The following DMD variants were observed in gnomAD, a reference collection of about 807,000 sequenced individuals.
DMD encodes dystrophin.
DMD carries 63 observed loss-of-function variants against 330.1 expected under a neutral mutation model. The observed-to-expected ratio is 0.19, with a 90% CI of 0.16 to 0.24. The LOEUF is 0.24. Ranked by LOEUF, DMD falls within the 10% of genes least tolerant of loss-of-function variation. The pLI, the probability that DMD is intolerant of heterozygous loss-of-function variation, is 1.00. For synonymous variants in DMD, 1,223 were observed against 959.8 expected (o/e 1.27, Z -5.07); for missense variants, 3,344 against 2,684.1 (o/e 1.25, Z -5.43).
intron 44 of DMD, among the ~76,000 whole-genome samples, chrX:32,079,530 G>A (rs895216767): frequency 7.2e-5 from 8 of 110,928 alleles, no homozygotes; most frequent in Non-Finnish European, 1.3e-4. Flanking sequence ...GGGAGGCAGA[G>A]GTTGCAGTGA....
chrX:32,503,182 G>T (rs1266723754), intron 18 of DMD, among the ~76,000 whole-genome samples: 2 of 111,181 alleles, frequency 1.8e-5, no homozygotes, highest in Non-Finnish European at 3.8e-5. Context: ...AGGGATTTGA[G>T]ATCAGCCTAG....
At chrX:32,160,745 T>C (rs2096846659) in intron 44 of DMD, among the ~76,000 whole-genome samples, 1 of 111,538 alleles carries the variant, frequency 9.0e-6, no homozygotes, top group African/African-American at 3.3e-5. Flanking sequence ...AGAATTGTTA[T>C]TGCAATGGTA....
chrX:31,458,309 A>C (rs1245092454), intron 59 of DMD, among the ~76,000 whole-genome samples: 1 of 110,761 alleles, frequency 9.0e-6, no homozygotes, highest in African/African-American at 3.3e-5. Context: ...TTCTCACCAT[A>C]AAATTGATAT....
intron 54 of DMD, among the ~76,000 whole-genome samples, chrX:31,648,823 C>T (rs2080269122): frequency 2.8e-5 from 3 of 108,104 alleles, no homozygotes; most frequent in African/African-American, 1.0e-4. Flanking sequence ...GGAAACAGAT[C>T]CCTGTTACAT....
At chrX:32,509,578 T>TCAAAACTGCTCTTATCAGTCTCAC (rs2045059616) in intron 18 of DMD, among the ~76,000 whole-genome samples, 1 of 111,923 alleles carries the variant, frequency 8.9e-6, no homozygotes, top group Non-Finnish European at 1.9e-5. Flanking sequence ...CTCAGTCCCA[T>TCAAAACTGCTCTTATCAGTCTCAC]CAAAACTGCT....
rs781172351 is a variant in DMD, at chrX:32,865,757, A to C, written c.94-15937T>G. ...TTTAACATAGTATTGTTTAGGAAAA[A>C]CCAATATTGGCACTGTTTACCAATT... On this transcript the variant is annotated intron_variant, in intron 2 of 78. Coordinates refer to ENST00000357033, the MANE Select transcript of DMD (RefSeq NM_004006.3). Among the ~76,000 whole-genome samples, 39 of 112,448 alleles carry C rather than the reference A, an allele frequency of 3.5e-4. No homozygotes were observed. The South Asian group carries it at 0.013, about 39-fold the overall frequency.
intron 16 of DMD, among the ~76,000 whole-genome samples, chrX:32,558,933 A>ATTTTTT (rs1569199318): frequency 3.1e-5 from 2 of 64,323 alleles, no homozygotes; most frequent in Admixed American, 1.9e-4. Flanking sequence ...GTAACTTCAA[A>ATTTTTT]TTTTCTTTTT....
chrX:32,532,504 T>C (rs1008586309), intron 17 of DMD, among the ~76,000 whole-genome samples: 3 of 112,791 alleles, frequency 2.7e-5, no homozygotes, highest in Middle Eastern at 4.6e-3. Context: ...CTGTAAACTA[T>C]GTGACCATGA....
intron 2 of DMD, among the ~76,000 whole-genome samples, chrX:32,925,035 C>G (rs959883071): frequency 1.8e-5 from 2 of 109,130 alleles, no homozygotes; most frequent in African/African-American, 6.7e-5. Context: ...AAGTAGAAGA[C>G]AGCTCTGTGG....
intron 13 of DMD, chrX:32,583,552 C>A (rs1234499837): frequency 1.8e-5 from 2 of 111,757 alleles, no homozygotes; most frequent in African/African-American, 6.5e-5. Flanking sequence ...GTAATTAAAA[C>A]AATGTGGAAT....
chrX:31,518,218 G>A (rs2072430490), intron 55 of DMD, among the ~76,000 whole-genome samples: 1 of 111,886 alleles, frequency 8.9e-6, no homozygotes, highest in South Asian at 3.7e-4. Context: ...ATTTGGCTCT[G>A]CACATAAACT....
intron 63 of DMD, among the ~76,000 whole-genome samples, chrX:31,240,264 C>T (rs1246721962): frequency 9.0e-6 from 1 of 111,093 alleles, no homozygotes; most frequent in African/African-American, 3.3e-5. Flanking sequence ...GAACATTGTG[C>T]CTATTATACT....
intron 4 of DMD, among the ~76,000 whole-genome samples, chrX:32,825,186 C>G (rs1191781974): frequency 8.9e-6 from 1 of 111,746 alleles, no homozygotes; most frequent in East Asian, 2.8e-4. Flanking sequence ...AGGAAACATA[C>G]TCACTCATAC....
At chrX:31,707,546 C>A (rs1311282988) in intron 52 of DMD, among the ~76,000 whole-genome samples, 1 of 110,720 alleles carries the variant, frequency 9.0e-6, no homozygotes, top group Non-Finnish European at 1.9e-5. Flanking sequence ...GGGATCCGTA[C>A]TCCAAACCTC....
rs943286175 is a variant in DMD, at chrX:32,991,660, T to C, written c.93+28479A>G. Among the ~76,000 whole-genome samples the C allele has an allele frequency of 2.7e-5, 3 of 112,242 alleles. No individual in the cohort carries two copies. The South Asian group carries it at 1.1e-3, about 41-fold the overall frequency. On this transcript the variant is annotated intron_variant, in intron 2 of 78. Transcript: ENST00000357033. ...TATACTTTTTTTATTGGTACATATGTCATATAAGGTTGTATGCGCAGAAGC... is the reference window on the plus strand; with the variant it reads ...TATACTTTTTTTATTGGTACATATGCCATATAAGGTTGTATGCGCAGAAGC...
At chrX:32,443,512 C>T (rs1490543667) in intron 27 of DMD, among the ~76,000 whole-genome samples, 1 of 110,781 alleles carries the variant, frequency 9.0e-6, no homozygotes, top group East Asian at 2.8e-4. Context: ...CTTAAATACC[C>T]GAGGGTACCT....
intron 7 of DMD, among the ~76,000 whole-genome samples, chrX:32,769,945 G>T (rs746173880): frequency 9.0e-6 from 1 of 111,707 alleles, no homozygotes. Flanking sequence ...TGAACACATA[G>T]TCATCACCAA....
intron 7 of DMD, among the ~76,000 whole-genome samples, chrX:32,803,474 G>A (rs2076733673): frequency 1.9e-5 from 2 of 106,589 alleles, no homozygotes; most frequent in African/African-American, 3.5e-5. Context: ...CTTCAGTTCT[G>A]CTCTTAGTTA....
chrX:31,314,031 C>T (rs1425050512), intron 62 of DMD, among the ~76,000 whole-genome samples: 7 of 110,966 alleles, frequency 6.3e-5, no homozygotes, highest in Non-Finnish European at 9.4e-5. Context: ...GATGGGGTTT[C>T]GCCATGTTGC....
Sources: allele counts gnomAD v4.1 joint callset (sites outside exome capture counted in the v4.1 genomes callset), GRCh38; gene constraint gnomAD v4.1.1; transcripts MANE v1.5; gene names NCBI Gene and HGNC (gene_info 2026-07-23, HGNC 2026-07-21).